The following ALG11 variants were observed in gnomAD, a reference collection of about 807,000 sequenced individuals.
ALG11 encodes the protein ALG11 alpha-1,2-mannosyltransferase.
A neutral mutation model predicts 38.8 loss-of-function variants in ALG11; 26 were observed. The observed-to-expected ratio is 0.67, with a 90% confidence interval of 0.49 to 0.93. The LOEUF is 0.93. Ranked by LOEUF, ALG11 falls within the 40% of genes least tolerant of loss-of-function variation. The pLI, the probability that ALG11 is intolerant of heterozygous loss-of-function variation, is 0.00. For synonymous variants in ALG11, 199 were observed against 211.6 expected, an observed-to-expected ratio of 0.94 and a Z score of 0.52; for missense variants, 535 against 578.8, an observed-to-expected ratio of 0.92 and a Z score of 0.78.
intron 1 of ALG11, among the ~76,000 whole-genome samples, chr13:52,015,142 C>T (rs1954124491): frequency 6.6e-6 from 1 of 152,216 alleles, no homozygotes; most frequent in Non-Finnish European, 1.5e-5. Flanking sequence ...GCAGCTCATG[C>T]CTGTAATCTC....
chr13:52,029,247 T>C lies in ALG11; in HGVS notation c.*657T>C. The C allele has an allele frequency of 4.3e-6, 7 of 1,614,204 alleles. No homozygotes were observed. The highest frequency in any genetic ancestry group is 5.9e-6 in the Non-Finnish European group (7 of 1,180,028). On this transcript the variant is annotated 3_prime_UTR_variant, in exon 4 of 4. Coordinates refer to ENST00000521508, the MANE Select transcript of ALG11 (RefSeq NM_001004127.3). Reference sequence around the variant, plus strand: ...CTCTCCAAATGGGACCCTATCATCCTGAAGAACCAGCAGGCAGAGCAGCTG... The same window carrying C: ...CTCTCCAAATGGGACCCTATCATCCCGAAGAACCAGCAGGCAGAGCAGCTG...
Position 52,028,399 on chromosome 13 carries a change from C to T in ALG11, c.1288C>T (p.His430Tyr), listed in dbSNP as rs751255090. The T allele has an allele frequency of 6.2e-7, 1 of 1,614,122 alleles. No individual in the cohort carries two copies. Among genetic ancestry groups the T allele is most frequent in the South Asian group, 1.1e-5 (1 of 91,078 alleles). ...CCCAAAGCTTGACATTGTGGTTCCTCACGAAGGAGATATAACTGGCTTTCT... is the reference window on the plus strand; with the variant it reads ...CCCAAAGCTTGACATTGTGGTTCCTTACGAAGGAGATATAACTGGCTTTCT... ...GGPKLDIVVP[H>Y]EGDITGFLAE... The change falls in exon 4 of 4, where the codon CAC becomes TAC. Residue 430 changes from histidine to tyrosine, a missense_variant. Coordinates refer to ENST00000521508, the MANE Select transcript of ALG11 (RefSeq NM_001004127.3).
At position 52,024,889 on chromosome 13, in the gene ALG11, G is replaced by A. The variant is rs764773761; in HGVS notation, c.1159G>A (p.Glu387Lys). 1.2e-6 allele frequency: 2 copies of A among 1,613,154 alleles called. No individual in the cohort carries two copies. The highest frequency in any genetic ancestry group is 1.7e-6 in the Non-Finnish European group (2 of 1,180,018). The change falls in exon 3 of 4, where the codon GAA (glutamate) becomes AAA (lysine). Residue 387 changes from glutamate (E) to lysine (K), a missense_variant. Physicochemically the swap from Glu to Lys is moderately conservative, Grantham distance 56. Coordinates refer to ENST00000521508, the MANE Select transcript of ALG11 (RefSeq NM_001004127.3). ...TGATGAATTAAAGAATTATTTGTCT[G>A]AAGCAACAATTGGTCTGCATACCAT... ...PFDELKNYLS[E>K]ATIGLHTMWN...
intron 2 of ALG11, 125 bp from the exon 3 acceptor site, chr13:52,023,881 G>A (rs1386856745): frequency 2.3e-5 from 15 of 652,048 alleles, no homozygotes; most frequent in African/African-American, 1.2e-4. Flanking sequence ...TGCAACCTCC[G>A]CCTCCTGGGT....
At chr13:52,013,814 A>G (rs180776908) in intron 1 of ALG11, among the ~76,000 whole-genome samples, 27 of 152,312 alleles carry the variant, frequency 1.8e-4, no homozygotes, top group East Asian at 1.7e-3. Flanking sequence ...TGCTCCATGG[A>G]CCATGCAGGT....
chr13:52,026,875 C>T (rs1954246351), intron 3 of ALG11, among the ~76,000 whole-genome samples: 1 of 152,094 alleles, frequency 6.6e-6, no homozygotes, highest in Middle Eastern at 3.2e-3. Flanking sequence ...TATCAAAGCT[C>T]CCGTGGATGT....
At position 52,012,449 on chromosome 13, in the gene ALG11, T is replaced by G. The variant is rs1444016944; in HGVS notation, c.31T>G (p.Cys11Gly). 2 of 1,614,130 alleles carry G rather than the reference T, an allele frequency of 1.2e-6. No individual in the cohort carries two copies. The highest frequency in any genetic ancestry group is 8.5e-7 in the Non-Finnish European group (1 of 1,180,028). ...GGCCGGCGAAAGGAGCTGGTGCCTG[T>G]GCAAGTTGTTGAGGTGAGCAGCCGG... MAAGERSWCL[C>G]KLLRFFYSLF... Residue 11 changes from cysteine to glycine, a missense_variant, in exon 1 of 4, where the codon TGC (cysteine) becomes GGC (glycine). Coordinates refer to ENST00000521508, the MANE Select transcript of ALG11 (RefSeq NM_001004127.3).
chr13:52,025,049 C>T, intron 3 of ALG11, 112 bp downstream of exon 3: 1 of 1,208,070 alleles, frequency 8.3e-7, no homozygotes, highest in East Asian at 2.4e-5. Flanking sequence ...TTCTCTTGCC[C>T]TCATCCACCA....
In ALG11 at chr13:52,029,913, C is replaced by G. The variant is rs1373260811; in HGVS notation, c.*1323C>G. The G allele has an allele frequency of 6.2e-7, 1 of 1,613,992 alleles. No homozygotes were observed. The highest frequency in any genetic ancestry group is 1.7e-5 in the Admixed American group (1 of 59,986). On this transcript the variant is annotated 3_prime_UTR_variant, in exon 4 of 4. Transcript: ENST00000521508. ...GAAGTGCAGATGAATGTGGACGGAC[C>G]GAATCCCTGGATGTTCAGGAGCTGC...
At position 52,024,917 on chromosome 13, in the gene ALG11, G is replaced by A. The variant is rs373654339; in HGVS notation, c.1187G>A (p.Trp396Ter). The change falls in exon 3 of 4, where the codon TGG becomes TAG. Residue 396 changes from tryptophan (W) to a stop codon, truncating the protein, a stop_gained. Transcript: ENST00000521508. LOFTEE classifies it high-confidence loss of function. ...SEATIGLHTM[W>*]NEHFGIGVVE... ...GCAACAATTGGTCTGCATACCATGTGGAACGAGCATTTTGGGATTGGTGAG... is the reference window on the plus strand; with the variant it reads ...GCAACAATTGGTCTGCATACCATGTAGAACGAGCATTTTGGGATTGGTGAG... 1 of 1,610,496 alleles carries A rather than the reference G, an allele frequency of 6.2e-7. No individual in the cohort carries two copies. The highest frequency in any genetic ancestry group is 1.3e-5 in the African/African-American group (1 of 74,944).
intron 2 of ALG11, 165 bp from the exon 3 acceptor site, chr13:52,023,841 C>G (rs1281363659): frequency 1.9e-5 from 7 of 378,122 alleles, no homozygotes; most frequent in Non-Finnish European, 2.9e-5. Context: ...GTCACCCAGG[C>G]TGGAGTTCGG....
Position 52,029,590 on chromosome 13 carries a change from A to G in ALG11, c.*1000A>G. 6.2e-7 allele frequency: 1 copy of G among 1,614,238 alleles called. No individual in the cohort carries two copies. The highest frequency in any genetic ancestry group is 1.1e-5 in the South Asian group (1 of 91,088). The stretch of plus-strand genomic sequence containing the variant: ...TCGTGAAGAAAGGAAAGGCCAAGAA[A>G]GCCTTAAAAGAGTTTGAGCAGCTAC... On this transcript the variant is annotated 3_prime_UTR_variant, in exon 4 of 4. Transcript: ENST00000521508.
Position 52,024,705 on chromosome 13 carries a change from G to A in ALG11, c.975G>A (p.Leu325=). ...HPLQIRAFAK[L]LNKKMVESPP... is the part of the protein sequence containing the mutation. ...TGCAGATCAGAGCCTTTGCTAAATT[G>A]CTGAATAAGAAGATGGTTGAGTCAC... The change falls in exon 3 of 4, where the codon TTG becomes TTA. Residue 325 remains leucine (L), a synonymous_variant. Coordinates refer to ENST00000521508, the MANE Select transcript of ALG11 (RefSeq NM_001004127.3). 1 of 1,614,216 alleles carries A rather than the reference G, an allele frequency of 6.2e-7. No homozygotes were observed. The highest frequency in any genetic ancestry group is 8.5e-7 in the Non-Finnish European group (1 of 1,180,034).
chr13:52,030,154 C>T lies in ALG11; in HGVS notation c.*1564C>T. 6.8e-6 allele frequency: 11 copies of T among 1,614,182 alleles called. No homozygotes were observed. Among genetic ancestry groups the T allele is most frequent in the South Asian group, 1.1e-5 (1 of 91,082 alleles). On this transcript the variant is annotated 3_prime_UTR_variant, in exon 4 of 4. Transcript: ENST00000521508. ...GCAGTCAAGAAACAAAAGATTCTAG[C>T]AGCCAGGAGGTGCTGTCCGAATTGA...
At chr13:52,018,038 A>G (rs1050255711) in intron 1 of ALG11, among the ~76,000 whole-genome samples, 6 of 152,252 alleles carry the variant, frequency 3.9e-5, no homozygotes, top group Non-Finnish European at 8.8e-5. Context: ...TTAGATTCCA[A>G]CTGTATTGGC....
chr13:52,032,431 T>G lies in ALG11; in HGVS notation c.*3841T>G, dbSNP rs908527573. ...AAGTGAATATATGTGTGAGCAGATATGGCTATAAAGACCTATAGCTTTTGC... is the reference window on the plus strand; with the variant it reads ...AAGTGAATATATGTGTGAGCAGATAGGGCTATAAAGACCTATAGCTTTTGC... On this transcript the variant is annotated 3_prime_UTR_variant, in exon 4 of 4. Coordinates refer to ENST00000521508, the MANE Select transcript of ALG11 (RefSeq NM_001004127.3). 2 of 167,242 alleles carry G rather than the reference T, an allele frequency of 1.2e-5. No homozygotes were observed. The highest frequency in any genetic ancestry group is 3.4e-3 in the Middle Eastern group (1 of 296). The allele number at this position is 167,242 out of a possible 1,614,324, so 10.4% of individuals were successfully genotyped here.
At chr13:52,020,528 T>C (rs1954175156) in intron 2 of ALG11, 1 of 152,202 alleles carries the variant, frequency 6.6e-6, no homozygotes, top group African/African-American at 2.4e-5. Flanking sequence ...AATTCCCAAC[T>C]CCGTGATGCT....
Position 52,028,694 on chromosome 13 carries a change from T to C in ALG11, c.*104T>C. 6.4e-7 allele frequency: 1 copy of C among 1,570,232 alleles called. No individual in the cohort carries two copies. Among genetic ancestry groups the C allele is most frequent in the Non-Finnish European group, 8.7e-7 (1 of 1,150,526 alleles). ...TCTCATTTGTCAAATCATTTTACTT[T>C]AGAAAACAGACAAAATTTCCTTTTA... is the stretch of plus-strand genomic sequence containing the variant. On this transcript the variant is annotated 3_prime_UTR_variant, in exon 4 of 4. Coordinates refer to ENST00000521508, the MANE Select transcript of ALG11 (RefSeq NM_001004127.3).
rs73184339 is a variant in ALG11 at position 52,029,312 on chromosome 13, A to G, written c.*722A>G. The stretch of plus-strand genomic sequence containing the variant: ...GAAGGAGCAGCCAGCCATTGCTCCC[A>G]TTGAACATGCGCTCAGTGGCTGGAA... On this transcript the variant is annotated 3_prime_UTR_variant, in exon 4 of 4. Coordinates refer to ENST00000521508, the MANE Select transcript of ALG11 (RefSeq NM_001004127.3). 6.0e-3 allele frequency: 9,624 copies of G among 1,614,194 alleles called. 34 individuals carry two copies. Among genetic ancestry groups the G allele is most frequent in the Non-Finnish European group, 7.5e-3 (8,858 of 1,180,036 alleles).
Sources: allele counts gnomAD v4.1 joint callset (sites outside exome capture counted in the v4.1 genomes callset), GRCh38; gene constraint gnomAD v4.1.1; transcripts MANE v1.5; gene names NCBI Gene and HGNC (gene_info 2026-07-23, HGNC 2026-07-21).